Variants in RAB21 observed in about 807,000 individuals in gnomAD.
RAB21 encodes RAB21, member RAS oncogene family, also known as ras-related protein Rab-21.
A neutral mutation model predicts 33.1 loss-of-function variants in RAB21; 13 were observed. The ratio of observed to expected loss-of-function variants is 0.39; its 90% confidence interval spans 0.26 to 0.62. The LOEUF (loss-of-function observed/expected upper bound fraction) is 0.62. RAB21 is among the 20% of genes least tolerant of loss of function. The probability of loss-of-function intolerance (pLI) is 0.48; values close to 1 mark genes in which losing one functional copy is unlikely to be tolerated. For missense variants in RAB21, 234 were observed against 279.1 expected, an observed-to-expected ratio of 0.84 and a Z score of 1.15; for synonymous variants, 91 against 103.7, an observed-to-expected ratio of 0.88 and a Z score of 0.74.
At chr12:71,763,112 C>G (rs1331846025) in intron 1 of RAB21, among the ~76,000 whole-genome samples, 1 of 151,076 alleles carries the variant, frequency 6.6e-6, no homozygotes, top group African/African-American at 2.4e-5. Context: ...CACACACACA[C>G]ACACACACAC....
intron 2 of RAB21, 95 bp from the exon 3 acceptor site, chr12:71,770,497 G>T (rs1883026212): frequency 2.4e-6 from 2 of 834,200 alleles, no homozygotes; most frequent in Admixed American, 4.2e-5. Flanking sequence ...TTGACTTTAT[G>T]CCATATTTTC....
intron 1 of RAB21, among the ~76,000 whole-genome samples, chr12:71,769,464 C>A (rs1264802656): frequency 6.6e-6 from 1 of 151,894 alleles, no homozygotes; most frequent in African/African-American, 2.4e-5. Flanking sequence ...TCTTAGAAAT[C>A]TCTTAGACTC....
chr12:71,797,671 A>G lies in RAB21; in HGVS notation c.*11998A>G, dbSNP rs1386467053. 6.6e-6 allele frequency: 1 copy of G among 151,806 alleles called. No individual in the cohort carries two copies. Among genetic ancestry groups the G allele is most frequent in the African/African-American group, 2.4e-5 (1 of 41,352 alleles). The allele number at this position is 151,806 out of a possible 1,614,324, so 9.4% of individuals were successfully genotyped here. On this transcript the variant is annotated 3_prime_UTR_variant, in exon 7 of 7. Transcript: ENST00000261263. Reference sequence around the variant, plus strand: ...ACTAGCCAGGAAAACTGAAAAAACAATGAGGAAAGACTGGCCTTATGAAAT... The same window carrying G: ...ACTAGCCAGGAAAACTGAAAAAACAGTGAGGAAAGACTGGCCTTATGAAAT...
chr12:71,768,539 G>A (rs1295812252), intron 1 of RAB21, among the ~76,000 whole-genome samples: 3 of 151,720 alleles, frequency 2.0e-5, no homozygotes, highest in Non-Finnish European at 4.4e-5. Flanking sequence ...TATCTTCATG[G>A]TCTTAGTTCA....
At chr12:71,768,733 A>G (rs1436076517) in intron 1 of RAB21, among the ~76,000 whole-genome samples, 3 of 152,216 alleles carry the variant, frequency 2.0e-5, no homozygotes, top group South Asian at 4.1e-4. Context: ...GTTGTTCTTT[A>G]GGATGAATTT....
chr12:71,764,702 A>T (rs1465449777), intron 1 of RAB21, among the ~76,000 whole-genome samples: 1 of 152,156 alleles, frequency 6.6e-6, no homozygotes, highest in African/African-American at 2.4e-5. Context: ...GTGAGAACGT[A>T]CAATATTTGG....
chr12:71,774,850 T>G (rs1883097231), intron 4 of RAB21, among the ~76,000 whole-genome samples: 1 of 152,068 alleles, frequency 6.6e-6, no homozygotes, highest in Non-Finnish European at 1.5e-5. Flanking sequence ...AATTGGAAAC[T>G]AAACAGTTGG....
At chr12:71,756,983 GA>G (rs1291835356) in intron 1 of RAB21, among the ~76,000 whole-genome samples, 1 of 151,908 alleles carries the variant, frequency 6.6e-6, no homozygotes, top group Non-Finnish European at 1.5e-5. Context: ...GCTCAAATTT[GA>G]ACCCCTGTCT....
At chr12:71,782,740 G>T in intron 6 of RAB21, 82 bp downstream of exon 6, 1 of 871,010 alleles carries the variant, frequency 1.1e-6, no homozygotes, top group Non-Finnish European at 1.7e-6. Context: ...TTACACCAGT[G>T]TTACTTTTCA....
intron 1 of RAB21, among the ~76,000 whole-genome samples, chr12:71,759,788 A>G (rs1306356006): frequency 6.6e-6 from 1 of 152,230 alleles, no homozygotes; most frequent in Non-Finnish European, 1.5e-5. Context: ...AGGAGGCCAT[A>G]TAATGTGGTG....
chr12:71,789,414 G>A lies in RAB21; in HGVS notation c.*3741G>A, dbSNP rs1380928640. ...GTTTACTCTTATAATTACCCGTTAC[G>A]TTATCTCTAAAAGTAGTTTGATCTG... On this transcript the variant is annotated 3_prime_UTR_variant, in exon 7 of 7. Coordinates refer to ENST00000261263, the MANE Select transcript of RAB21 (RefSeq NM_014999.4). 1 of 152,002 alleles carries A rather than the reference G, an allele frequency of 6.6e-6. No individual in the cohort carries two copies. Among genetic ancestry groups the A allele is most frequent in the African/African-American group, 2.4e-5 (1 of 41,400 alleles). 9.4% of individuals were successfully genotyped at this position (152,002 alleles called of 1,614,324 possible).
At chr12:71,762,344 C>T (rs1356880148) in intron 1 of RAB21, among the ~76,000 whole-genome samples, 1 of 152,226 alleles carries the variant, frequency 6.6e-6, no homozygotes, top group African/African-American at 2.4e-5. Flanking sequence ...CTCGCTCTGT[C>T]GCCCAGGCTG....
rs1235856613 is a variant in RAB21, at chr12:71,797,837, A to C, written c.*12164A>C. The C allele has an allele frequency of 4.6e-5, 7 of 152,048 alleles. No individual in the cohort carries two copies. The highest frequency in any genetic ancestry group is 1.7e-4 in the African/African-American group (7 of 41,416). The allele number at this position is 152,048 out of a possible 1,614,324, so 9.4% of individuals were successfully genotyped here. A position where few individuals can be genotyped will look rare whatever the true frequency, so the allele number is the denominator to read the frequency against. ...GATGTTTCAGCTCAGTGGGGAAAAT[A>C]TGGTTTATTCATTAAAGGTAGTAGG... On this transcript the variant is annotated 3_prime_UTR_variant, in exon 7 of 7. Coordinates refer to ENST00000261263, the MANE Select transcript of RAB21 (RefSeq NM_014999.4).
chr12:71,781,220 A>G (rs1883194883), intron 4 of RAB21, among the ~76,000 whole-genome samples: 1 of 152,188 alleles, frequency 6.6e-6, no homozygotes, highest in South Asian at 2.1e-4. Context: ...CTGTAATCCT[A>G]GCACTTTGGG....
At chr12:71,762,010 A>G (rs1033995475) in intron 1 of RAB21, among the ~76,000 whole-genome samples, 4 of 152,204 alleles carry the variant, frequency 2.6e-5, no homozygotes, top group African/African-American at 7.2e-5. Flanking sequence ...TTCATACAGT[A>G]TAATAATTGA....
Position 71,786,400 on chromosome 12 carries a change from A to T in RAB21, c.*727A>T, listed in dbSNP as rs1377726282. ...TGTATTTTGTGGTAGTTGAAATTGT[A>T]TCACTTCTAAACAGCAAACTGTTTT... On this transcript the variant is annotated 3_prime_UTR_variant, in exon 7 of 7. Transcript: ENST00000261263. 1 of 152,608 alleles carries T rather than the reference A, an allele frequency of 6.6e-6. No homozygotes were observed. The highest frequency in any genetic ancestry group is 2.4e-5 in the African/African-American group (1 of 41,440). The allele number at this position is 152,608 out of a possible 1,614,324, so 9.5% of individuals were successfully genotyped here.
In RAB21 at chr12:71,785,909, T is replaced by C. The variant is rs11178945; in HGVS notation, c.*236T>C. The C allele has an allele frequency of 2.2e-6, 1 of 453,134 alleles. No individual in the cohort carries two copies. The highest frequency in any genetic ancestry group is 2.2e-5 in the African/African-American group (1 of 46,148). 28.1% of individuals were successfully genotyped at this position (453,134 alleles called of 1,614,324 possible). A position where few individuals can be genotyped will look rare whatever the true frequency, so the allele number is the denominator to read the frequency against. The stretch of plus-strand genomic sequence containing the variant: ...TTTTTGTTTTTTTTTTGTTTTTTTT[T>C]GTTTTTTTTTGAGACGGAGTCTCGC... On this transcript the variant is annotated 3_prime_UTR_variant, in exon 7 of 7. Coordinates refer to ENST00000261263, the MANE Select transcript of RAB21 (RefSeq NM_014999.4).
chr12:71,781,029 T>C (rs1442478507), intron 4 of RAB21, among the ~76,000 whole-genome samples: 1 of 152,234 alleles, frequency 6.6e-6, no homozygotes, highest in African/African-American at 2.4e-5. Flanking sequence ...TTGCAGTTTC[T>C]TCATTTTTGT....
In RAB21 at chr12:71,782,178, C is replaced by A. The variant is rs745666963; in HGVS notation, c.446+93C>A. On this transcript the variant is annotated intron_variant, in intron 5 of 6. Coordinates refer to ENST00000261263, the MANE Select transcript of RAB21 (RefSeq NM_014999.4). ...TTTACCATTTAGGTATTACTCAAAT[C>A]TCTTAGCATGGATTGAGGTGTTGGA... The A allele has an allele frequency of 2.1e-4, 253 of 1,192,252 alleles. 1 individual carries two copies. Among genetic ancestry groups the A allele is most frequent in the Middle Eastern group, 7.9e-4 (4 of 5,058 alleles). The allele number at this position is 1,192,252 out of a possible 1,614,324, so 73.9% of individuals were successfully genotyped here. A position where few individuals can be genotyped will look rare whatever the true frequency, so the allele number is the denominator to read the frequency against.
Sources: gnomAD v4.1 joint callset for allele counts (sites outside exome capture counted in the v4.1 genomes callset) on GRCh38, gnomAD v4.1.1 for gene constraint, MANE v1.5 for transcripts, NCBI Gene and HGNC (gene_info 2026-07-23, HGNC 2026-07-21) for gene names.